The following STEAP1B variants were observed in gnomAD, a reference collection of about 807,000 sequenced individuals.
STEAP1B encodes STEAP family protein MGC87042.
Under a neutral mutation model 27.9 loss-of-function variants are expected in STEAP1B, and 13 were observed. That is an observed-to-expected ratio of 0.47 (90% CI 0.30 to 0.74). The LOEUF (loss-of-function observed/expected upper bound fraction) is 0.74. Ranked by LOEUF, STEAP1B falls within the 30% of genes least tolerant of loss-of-function variation. The probability of loss-of-function intolerance (pLI) is 0.06; values close to 1 mark genes in which losing one functional copy is unlikely to be tolerated. For missense variants in STEAP1B, 250 were observed against 298.7 expected, an observed-to-expected ratio of 0.84 and a Z score of 1.20; for synonymous variants, 86 against 107.1, an observed-to-expected ratio of 0.80 and a Z score of 1.22.
At chr7:22,487,858 CTA>C (rs1786242121) in intron 4 of STEAP1B, among the ~76,000 whole-genome samples, 1 of 147,338 alleles carries the variant, frequency 6.8e-6, no homozygotes, top group Non-Finnish European at 1.5e-5. Context: ...CATAGATTTA[CTA>C]TATTGCCTTT....
intron 1 of STEAP1B, among the ~76,000 whole-genome samples, chr7:22,497,917 G>C (rs1249736037): frequency 6.6e-6 from 1 of 152,114 alleles, no homozygotes; most frequent in African/African-American, 2.4e-5. Context: ...GACTGGTTTC[G>C]TGGAAGACAA....
At chr7:22,477,731 G>T (rs1348815861) in intron 4 of STEAP1B, among the ~76,000 whole-genome samples, 1 of 147,774 alleles carries the variant, frequency 6.8e-6, no homozygotes, top group Non-Finnish European at 1.5e-5. Flanking sequence ...TCAACAAGAG[G>T]TTTTTTTTTT....
intron 4 of STEAP1B, among the ~76,000 whole-genome samples, chr7:22,422,963 G>T (rs1332603905): frequency 6.6e-6 from 1 of 152,200 alleles, no homozygotes; most frequent in Non-Finnish European, 1.5e-5. Flanking sequence ...TTGGAGAAAA[G>T]AGATCATAAA....
At chr7:22,469,107 G>T (rs1785836307) in intron 4 of STEAP1B, among the ~76,000 whole-genome samples, 2 of 152,250 alleles carry the variant, frequency 1.3e-5, no homozygotes, top group African/African-American at 4.8e-5. Flanking sequence ...GATTCCTGAA[G>T]ACCTTTCAGT....
chr7:22,427,511 G>C (rs1314330692), intron 4 of STEAP1B, among the ~76,000 whole-genome samples: 1 of 152,178 alleles, frequency 6.6e-6, no homozygotes, highest in Non-Finnish European at 1.5e-5. Flanking sequence ...AATTGGTGGA[G>C]GTCCCTAGTT....
At chr7:22,455,798 T>G (rs1269370840) in intron 4 of STEAP1B, among the ~76,000 whole-genome samples, 3 of 152,218 alleles carry the variant, frequency 2.0e-5, no homozygotes, top group Non-Finnish European at 4.4e-5. Context: ...AAAATAATCT[T>G]TTGGAATTCA....
At chr7:22,435,099 T>G (rs1050346549) in intron 4 of STEAP1B, among the ~76,000 whole-genome samples, 3 of 152,196 alleles carry the variant, frequency 2.0e-5, no homozygotes, top group Admixed American at 2.0e-4. Flanking sequence ...TCCAGAGTTC[T>G]AGTCCCAGAT....
At chr7:22,424,132 T>G (rs879844781) in intron 4 of STEAP1B, among the ~76,000 whole-genome samples, 3 of 152,306 alleles carry the variant, frequency 2.0e-5, no homozygotes, top group Middle Eastern at 3.4e-3. Flanking sequence ...CTTCTATCGA[T>G]CTCTGGTTCC....
At chr7:22,445,478 T>C (rs1301819047) in intron 4 of STEAP1B, among the ~76,000 whole-genome samples, 3 of 152,258 alleles carry the variant, frequency 2.0e-5, no homozygotes, top group Non-Finnish European at 4.4e-5. Flanking sequence ...GGGCAGGAAC[T>C]GGCCAGCAAA....
At chr7:22,467,532 C>T (rs547417143) in intron 4 of STEAP1B, among the ~76,000 whole-genome samples, 58 of 152,310 alleles carry the variant, frequency 3.8e-4, no homozygotes, top group African/African-American at 1.2e-3. Flanking sequence ...ATAATTCCCT[C>T]GTGTTGTAGG....
intron 4 of STEAP1B, among the ~76,000 whole-genome samples, chr7:22,479,646 T>C (rs907332659): frequency 1.8e-4 from 27 of 150,400 alleles, no homozygotes; most frequent in Admixed American, 1.5e-3. Context: ...TAGAGTGGCG[T>C]TGTGCAAGAC....
chr7:22,457,756 GTTTTAAACT>G (rs1785610907), intron 4 of STEAP1B, among the ~76,000 whole-genome samples: 2 of 152,224 alleles, frequency 1.3e-5, no homozygotes, highest in Non-Finnish European at 2.9e-5. Context: ...CTATGGGAAA[GTTTTAAACT>G]TTGTAAACCT....
At chr7:22,439,131 AGC>A (rs1485430470) in intron 4 of STEAP1B, among the ~76,000 whole-genome samples, 1 of 152,216 alleles carries the variant, frequency 6.6e-6, no homozygotes, top group Non-Finnish European at 1.5e-5. Context: ...AAGAAGCACC[AGC>A]TTCTACCTCA....
At position 22,456,964 on chromosome 7, in the gene STEAP1B, A is replaced by ATTTTTTTTTT. The variant is rs1332500011; in HGVS notation, c.762+35600_762+35601insAAAAAAAAAA. On this transcript the variant is annotated intron_variant, in intron 4 of 4. Transcript: ENST00000678116. ...GTGGGATAGGCAGCTATATATATAT[A>ATTTTTTTTTT]TATATATATTTTTTTTTTTTTTAAG... 1.6e-3 allele frequency among the ~76,000 whole-genome samples: 54 copies of ATTTTTTTTTT among 33,058 alleles called. 2 individuals carry two copies. Among genetic ancestry groups the ATTTTTTTTTT allele is most frequent in the Non-Finnish European group, 2.8e-3 (43 of 15,626 alleles). The allele number at this position is 33,058 out of a possible 152,430, so 21.7% of individuals were successfully genotyped here.
At chr7:22,422,515 T>G (rs1045141534) in intron 4 of STEAP1B, among the ~76,000 whole-genome samples, 12 of 151,228 alleles carry the variant, frequency 7.9e-5, no homozygotes, top group African/African-American at 2.9e-4. Context: ...TTTTTTGAGA[T>G]AGAGTTTCAC....
chr7:22,427,983 G>A (rs1345347984), intron 4 of STEAP1B, among the ~76,000 whole-genome samples: 2 of 152,206 alleles, frequency 1.3e-5, no homozygotes, highest in South Asian at 2.1e-4. Context: ...GGGGAACAGT[G>A]GCAACACTGA....
In STEAP1B at chr7:22,493,806, T is replaced by C. The variant is rs1786388992; in HGVS notation, c.115A>G (p.Lys39Glu). 2 of 1,612,606 alleles carry C rather than the reference T, an allele frequency of 1.2e-6. No individual in the cohort carries two copies. The highest frequency in any genetic ancestry group is 2.2e-5 in the South Asian group (2 of 91,022). The change falls in exon 3 of 5, where the codon AAA becomes GAA. Residue 39 changes from lysine to glutamate, a missense_variant. By Grantham distance (56) the Lys-to-Glu change is moderately conservative. Coordinates refer to ENST00000678116, the MANE Select transcript of STEAP1B (RefSeq NM_001382447.1). ...TGCAAATGCAAAAGCACAGGTCTTT[T>C]TAGCATGCTGGTCTCTCCCGTGTCC... ...HEDTGETSML[K>E]RPVLLHLQQT...
intron 4 of STEAP1B, among the ~76,000 whole-genome samples, chr7:22,486,427 T>G (rs1583352696): frequency 6.6e-6 from 1 of 152,250 alleles, no homozygotes; most frequent in African/African-American, 2.4e-5. Context: ...GGCCTTTGCT[T>G]CTACTTCATC....
intron 4 of STEAP1B, among the ~76,000 whole-genome samples, chr7:22,467,577 C>T (rs978696319): frequency 7.2e-5 from 11 of 152,256 alleles, no homozygotes; most frequent in East Asian, 3.9e-4. Flanking sequence ...ATTTTGGGGG[C>T]GATTCCCCCC....
Sources: gnomAD v4.1 joint callset for allele counts (sites outside exome capture counted in the v4.1 genomes callset) on GRCh38, gnomAD v4.1.1 for gene constraint, MANE v1.5 for transcripts, NCBI Gene and HGNC (gene_info 2026-07-23, HGNC 2026-07-21) for gene names.